PPP5C: variants seen among roughly 807,000 people sequenced by gnomAD.
PPP5C encodes serine/threonine-protein phosphatase 5.
A neutral mutation model predicts 66.7 loss-of-function variants in PPP5C; 21 were observed. The ratio of observed to expected loss-of-function variants is 0.31; its 90% CI spans 0.22 to 0.45. The LOEUF (loss-of-function observed/expected upper bound fraction) is 0.45, where lower values mean the gene tolerates loss of function less well. Among genes scored for constraint, PPP5C ranks in the 20% least tolerant of loss-of-function variants. PPP5C has a pLI of 1.00. For missense variants in PPP5C, 464 were observed against 675.9 expected, an observed-to-expected ratio of 0.69 and a Z score of 3.48; for synonymous variants, 246 against 257.4, an observed-to-expected ratio of 0.96 and a Z score of 0.43.
chr19:46,366,305 T>C (rs1244783678), intron 2 of PPP5C, among the ~76,000 whole-genome samples: 1 of 152,034 alleles, frequency 6.6e-6, no homozygotes, highest in Non-Finnish European at 1.5e-5. Flanking sequence ...CACTTTAAGT[T>C]ACCTTGGGAA....
chr19:46,351,952 G>A (rs532954583), intron 1 of PPP5C, among the ~76,000 whole-genome samples: 9 of 152,352 alleles, frequency 5.9e-5, no homozygotes, highest in South Asian at 2.1e-4. Context: ...AGGAGTTGGC[G>A]TGGCAAAGAG....
chr19:46,351,346 G>A lies in PPP5C; in HGVS notation c.122-2402G>A, dbSNP rs570594398. On this transcript the variant is annotated intron_variant, in intron 1 of 12. Transcript: ENST00000012443. The stretch of plus-strand genomic sequence containing the variant: ...CAGGATATGGCATGTGGGTCGACCC[G>A]TGGAGTACAGGCTCCTCCCATTTCC... Among the ~76,000 whole-genome samples the A allele has an allele frequency of 1.3e-3, 205 of 152,282 alleles. 1 individual carries two copies. The highest frequency in any genetic ancestry group is 4.4e-3 in the African/African-American group (181 of 41,536).
At position 46,388,367 on chromosome 19, in the gene PPP5C, G is replaced by A; in HGVS notation, c.1136-41G>A. On this transcript the variant is annotated intron_variant, in intron 9 of 12. Transcript: ENST00000012443. This position sits in a 1 kb window ranked among gnomAD's most constrained non-coding sequence, Gnocchi z 4.9. Reference sequence around the variant, plus strand: ...TGGCCTGTGAGTGACCACCCCCGGGGAGGTGGACGAGTCCCTAATGTTTCC... The same window carrying A: ...TGGCCTGTGAGTGACCACCCCCGGGAAGGTGGACGAGTCCCTAATGTTTCC... 6.3e-7 allele frequency: 1 copy of A among 1,589,328 alleles called. No homozygotes were observed. The highest frequency in any genetic ancestry group is 8.6e-7 in the Non-Finnish European group (1 of 1,164,136).
At chr19:46,350,110 CTG>C (rs1310125932) in intron 1 of PPP5C, among the ~76,000 whole-genome samples, 1 of 152,046 alleles carries the variant, frequency 6.6e-6, no homozygotes, top group Non-Finnish European at 1.5e-5. Context: ...GAACACCCCT[CTG>C]GAGGGGCAGG....
chr19:46,389,926 C>G (rs1972983014), intron 11 of PPP5C, 125 bp from the exon 12 acceptor site: 1 of 782,750 alleles, frequency 1.3e-6, no homozygotes, highest in Non-Finnish European at 2.2e-6. Context: ...CTCTGTCCAT[C>G]TGTGTCTGTT....
At chr19:46,386,513 C>A (rs1298455456) in intron 7 of PPP5C, among the ~76,000 whole-genome samples, 4 of 148,974 alleles carry the variant, frequency 2.7e-5, no homozygotes, top group African/African-American at 9.9e-5. Flanking sequence ...TCCTTGCCCC[C>A]AAGCTCTGGA....
Position 46,355,605 on chromosome 19 carries a change from C to G in PPP5C, c.363+1616C>G, listed in dbSNP as rs1490008080. Among the ~76,000 whole-genome samples, 5 of 151,930 alleles carry G rather than the reference C, an allele frequency of 3.3e-5. No individual in the cohort carries two copies. In the East Asian group the frequency reaches 9.7e-4, roughly 29 times the overall value. ...AAGGGTGGGGGCAGGGGCAGCAGAGCAGAGGCCTTCCCAGCTTGGGCTCCC... is the reference window on the plus strand; with the variant it reads ...AAGGGTGGGGGCAGGGGCAGCAGAGGAGAGGCCTTCCCAGCTTGGGCTCCC... On this transcript the variant is annotated intron_variant, in intron 2 of 12. Coordinates refer to ENST00000012443, the MANE Select transcript of PPP5C (RefSeq NM_006247.4).
At chr19:46,361,569 AC>A (rs1322896904) in intron 2 of PPP5C, among the ~76,000 whole-genome samples, 1 of 140,404 alleles carries the variant, frequency 7.1e-6, no homozygotes, top group Non-Finnish European at 1.5e-5. Flanking sequence ...ACACGGTGAA[AC>A]CCTGTCTCTA....
Position 46,384,889 on chromosome 19 carries a change from A to G in PPP5C, c.884A>G (p.Asp295Gly). ...TLFGFKLLYP[D>G]HFHLLRGNHE... is the part of the protein sequence containing the mutation. ...TTCGGCTTCAAGCTCCTGTACCCAGATCACTTTCACCTCCTTCGAGGTGAG... is the reference window on the plus strand; with the variant it reads ...TTCGGCTTCAAGCTCCTGTACCCAGGTCACTTTCACCTCCTTCGAGGTGAG... The change falls in exon 7 of 13, where the codon GAT becomes GGT. Residue 295 changes from aspartate to glycine, a missense_variant. Transcript: ENST00000012443. 9.3e-6 allele frequency: 15 copies of G among 1,613,920 alleles called. No homozygotes were observed. The highest frequency in any genetic ancestry group is 1.3e-5 in the Non-Finnish European group (15 of 1,179,826).
At position 46,387,249 on chromosome 19, in the gene PPP5C, G is replaced by A. The variant is rs200863269; in HGVS notation, c.1047+14G>A. On this transcript the variant is annotated intron_variant, in intron 8 of 12. Coordinates refer to ENST00000012443, the MANE Select transcript of PPP5C (RefSeq NM_006247.4). ...GGCAAAGTGCTGGTGAGGACGGCGC[G>A]AGCCCTGAGTGTGGGTTCCCCACCC... 4.8e-4 allele frequency: 777 copies of A among 1,614,106 alleles called. 2 individuals are homozygous for A. The highest frequency in any genetic ancestry group is 4.3e-3 in the East Asian group (194 of 44,878).
Position 46,390,395 on chromosome 19 carries a change from G to A in PPP5C, c.*49G>A. On this transcript the variant is annotated 3_prime_UTR_variant, in exon 13 of 13. Coordinates refer to ENST00000012443, the MANE Select transcript of PPP5C (RefSeq NM_006247.4). ...TCCCAGGGCCCCTCCAATCCCACCG[G>A]ACCCAGGCCCTGGGCTAGGGGCAGA... 1 of 1,551,700 alleles carries A rather than the reference G, an allele frequency of 6.4e-7. No individual in the cohort carries two copies. Among genetic ancestry groups the A allele is most frequent in the Non-Finnish European group, 8.7e-7 (1 of 1,147,542 alleles).
chr19:46,383,938 C>A lies in PPP5C; in HGVS notation c.798+60C>A. On this transcript the variant is annotated intron_variant, in intron 6 of 12. Coordinates refer to ENST00000012443, the MANE Select transcript of PPP5C (RefSeq NM_006247.4). This position sits in a 1 kb window ranked among gnomAD's most constrained non-coding sequence, Gnocchi z 5.0. ...TCCACCCCCAGCCGCAGCCTCAGGTCTGCACAGAGTGGGAGGAGCCCTTGC... is the reference window on the plus strand; with the variant it reads ...TCCACCCCCAGCCGCAGCCTCAGGTATGCACAGAGTGGGAGGAGCCCTTGC... The A allele has an allele frequency of 2.1e-6, 3 of 1,398,946 alleles. No homozygotes were observed. The highest frequency in any genetic ancestry group is 2.3e-5 in the South Asian group (2 of 85,924). The allele number at this position is 1,398,946 out of a possible 1,614,324, so 86.7% of individuals were successfully genotyped here.
intron 2 of PPP5C, among the ~76,000 whole-genome samples, chr19:46,363,293 G>T (rs1972426452): frequency 1.4e-5 from 1 of 70,774 alleles, no homozygotes; most frequent in Non-Finnish European, 2.4e-5. Flanking sequence ...GGGCGACAGA[G>T]CGAGACTCCA....
intron 11 of PPP5C, among the ~76,000 whole-genome samples, chr19:46,389,696 G>A (rs113303410): frequency 1.4e-3 from 217 of 152,034 alleles, no homozygotes; most frequent in African/African-American, 5.0e-3. Context: ...CTGCATCCCC[G>A]TGGTGCCGTG....
At chr19:46,370,156 C>G (rs1972563002) in intron 2 of PPP5C, among the ~76,000 whole-genome samples, 1 of 152,058 alleles carries the variant, frequency 6.6e-6, no homozygotes, top group Non-Finnish European at 1.5e-5. Context: ...TTAACCTTAG[C>G]TTACTGTAAC....
In PPP5C at chr19:46,388,245, G is replaced by A. The variant is rs1230218710; in HGVS notation, c.1136-163G>A. 3 of 721,632 alleles carry A rather than the reference G, an allele frequency of 4.2e-6. No individual in the cohort carries two copies. Among genetic ancestry groups the A allele is most frequent in the African/African-American group, 1.8e-5 (1 of 56,056 alleles). The allele number at this position is 721,632 out of a possible 1,614,324, so 44.7% of individuals were successfully genotyped here. A position where few individuals can be genotyped will look rare whatever the true frequency, so the allele number is the denominator to read the frequency against. ...AGGGTGGGGGTGGCTCAGAATCACA[G>A]TCACCTGTCCTGAATGTCCATGTCC... On this transcript the variant is annotated intron_variant, in intron 9 of 12. Coordinates refer to ENST00000012443, the MANE Select transcript of PPP5C (RefSeq NM_006247.4). The surrounding 1 kb of genome is among the most constrained non-coding windows in gnomAD (Gnocchi z 4.9).
chr19:46,380,927 C>A (rs1972779636), intron 4 of PPP5C, among the ~76,000 whole-genome samples: 1 of 152,082 alleles, frequency 6.6e-6, no homozygotes, highest in Non-Finnish European at 1.5e-5. Flanking sequence ...TTGGAAAGTT[C>A]TTAGCCATTA....
chr19:46,354,324 G>T (rs935580892), intron 2 of PPP5C, among the ~76,000 whole-genome samples: 2 of 152,212 alleles, frequency 1.3e-5, no homozygotes, highest in African/African-American at 4.8e-5. Flanking sequence ...TTGGCCCGGG[G>T]TCAGTGTCCT....
At chr19:46,382,831 T>C (rs754123125) in intron 4 of PPP5C, 37 of 1,035,178 alleles carry the variant, frequency 3.6e-5, no homozygotes, top group Middle Eastern at 4.7e-4. Flanking sequence ...TCTGGAAACA[T>C]TGACAAATAT....
Sources: gnomAD v4.1 joint callset for allele counts (sites outside exome capture counted in the v4.1 genomes callset) on GRCh38, gnomAD v4.1.1 for gene constraint, Gnocchi (gnomAD v3.1) non-coding constraint, MANE v1.5 for transcripts, NCBI Gene and HGNC (gene_info 2026-07-23, HGNC 2026-07-21) for gene names.